The following CDH13 variants were observed in gnomAD, a reference collection of about 807,000 sequenced individuals.
CDH13 encodes cadherin 13.
CDH13 carries 24 observed loss-of-function variants against 63.8 expected under a neutral mutation model. The observed-to-expected ratio is 0.38, with a 90% confidence interval of 0.27 to 0.53. The LOEUF is 0.53. Among genes scored for constraint, CDH13 ranks in the 20% least tolerant of loss-of-function variants. CDH13 has a pLI of 0.85. For missense variants in CDH13, 1,049 were observed against 903.1 expected (o/e 1.16, Z -2.07); for synonymous variants, 503 against 355.3 (o/e 1.42, Z -4.67).
chr16:83,223,082 C>T (rs1431523320), intron 5 of CDH13, among the ~76,000 whole-genome samples: 1 of 94,984 alleles, frequency 1.1e-5, no homozygotes, highest in African/African-American at 3.4e-5. Flanking sequence ...TTGAGAACCA[C>T]TGTTAGAGAG....
intron 1 of CDH13, among the ~76,000 whole-genome samples, chr16:82,730,844 G>A (rs2033362897): frequency 6.6e-6 from 1 of 152,076 alleles, no homozygotes; most frequent in African/African-American, 2.4e-5. Flanking sequence ...ACATTTTCAT[G>A]AATTTTTCAA....
At chr16:82,640,740 T>C (rs535526455) in intron 1 of CDH13, among the ~76,000 whole-genome samples, 1 of 152,284 alleles carries the variant, frequency 6.6e-6, no homozygotes, top group East Asian at 1.9e-4. Context: ...GGTACTTCTT[T>C]AGGGTCACAT....
intron 7 of CDH13, among the ~76,000 whole-genome samples, chr16:83,595,760 A>C (rs1907193345): frequency 6.6e-6 from 1 of 152,232 alleles, no homozygotes; most frequent in African/African-American, 2.4e-5. Context: ...CCTGAGCTGT[A>C]CAGTCTAGCC....
intron 7 of CDH13, among the ~76,000 whole-genome samples, chr16:83,508,794 A>C (rs114424746): frequency 1.6e-3 from 251 of 152,310 alleles, no homozygotes; most frequent in African/African-American, 6.0e-3. Flanking sequence ...TTTGCACTCA[A>C]ATAGGCAGAG....
chr16:82,912,965 G>A (rs2041879047), intron 2 of CDH13, among the ~76,000 whole-genome samples: 1 of 151,514 alleles, frequency 6.6e-6, no homozygotes, highest in Admixed American at 6.6e-5. Flanking sequence ...AAAGAGTGGT[G>A]CTTCAAAATT....
intron 5 of CDH13, among the ~76,000 whole-genome samples, chr16:83,232,575 A>G (rs1201107022): frequency 6.7e-6 from 1 of 148,504 alleles, no homozygotes; most frequent in African/African-American, 2.5e-5. Flanking sequence ...AAAGTGTGGC[A>G]CCTCCCTTCC....
intron 1 of CDH13, among the ~76,000 whole-genome samples, chr16:82,763,408 G>T (rs376912087): frequency 3.3e-5 from 5 of 151,996 alleles, no homozygotes; most frequent in African/African-American, 9.7e-5. Flanking sequence ...TGCTTGTCTT[G>T]GTCTCTGTTT....
chr16:83,517,621 C>T (rs567260602), intron 7 of CDH13, among the ~76,000 whole-genome samples: 173 of 152,242 alleles, frequency 1.1e-3, no homozygotes, highest in African/African-American at 4.0e-3. Flanking sequence ...TGAGGGAACA[C>T]GTGGGCAATC....
chr16:82,848,868 G>A (rs2039371050), intron 1 of CDH13, among the ~76,000 whole-genome samples: 1 of 152,200 alleles, frequency 6.6e-6, no homozygotes, highest in Admixed American at 6.5e-5. Context: ...CATGTCAAAA[G>A]CTGAGGTAGG....
At chr16:82,966,279 G>C (rs1026997357) in intron 2 of CDH13, among the ~76,000 whole-genome samples, 29 of 152,134 alleles carry the variant, frequency 1.9e-4, no homozygotes, top group African/African-American at 7.0e-4. Context: ...CTCCCGAGTA[G>C]CTGGGACTAC....
intron 7 of CDH13, among the ~76,000 whole-genome samples, chr16:83,591,654 C>G (rs1164728631): frequency 6.6e-6 from 1 of 152,196 alleles, no homozygotes; most frequent in Non-Finnish European, 1.5e-5. Context: ...ACCCATCCTT[C>G]AAAGCTCAGC....
intron 6 of CDH13, among the ~76,000 whole-genome samples, chr16:83,392,122 C>T (rs969220377): frequency 2.4e-4 from 36 of 152,284 alleles, no homozygotes; most frequent in Middle Eastern, 3.4e-3. Context: ...CCCCTATACA[C>T]ACTGATCTTC....
intron 2 of CDH13, among the ~76,000 whole-genome samples, chr16:82,988,298 G>A (rs1911208293): frequency 6.6e-6 from 1 of 152,192 alleles, no homozygotes; most frequent in Non-Finnish European, 1.5e-5. Flanking sequence ...GGCATCCAAG[G>A]TGAGGAGACT....
intron 7 of CDH13, among the ~76,000 whole-genome samples, chr16:83,587,300 G>A (rs1007081060): frequency 6.6e-6 from 1 of 152,168 alleles, no homozygotes; most frequent in African/African-American, 2.4e-5. Context: ...TCTGAAATTA[G>A]TGGGCAGGGA....
chr16:82,715,361 G>C (rs1395710803), intron 1 of CDH13, among the ~76,000 whole-genome samples: 1 of 152,128 alleles, frequency 6.6e-6, no homozygotes, highest in African/African-American at 2.4e-5. Context: ...GCGTCTGTTT[G>C]TTGAGAGGCA....
At chr16:82,670,905 T>C (rs1714055326) in intron 1 of CDH13, among the ~76,000 whole-genome samples, 1 of 152,224 alleles carries the variant, frequency 6.6e-6, no homozygotes, top group Non-Finnish European at 1.5e-5. Flanking sequence ...TTCCTCCTCC[T>C]GGAGGTGCAG....
intron 6 of CDH13, among the ~76,000 whole-genome samples, chr16:83,365,520 T>C (rs547920525): frequency 7.9e-5 from 12 of 152,334 alleles, no homozygotes; most frequent in African/African-American, 2.4e-4. Context: ...GGCCAAATGT[T>C]GGCCCCATGA....
At chr16:83,476,987 G>A (rs534540373) in intron 6 of CDH13, among the ~76,000 whole-genome samples, 3 of 152,216 alleles carry the variant, frequency 2.0e-5, no homozygotes, top group East Asian at 1.9e-4. Context: ...TCTTACTGTC[G>A]AAGTCTGGAT....
intron 4 of CDH13, among the ~76,000 whole-genome samples, chr16:83,180,324 C>T (rs978928388): frequency 1.3e-5 from 2 of 151,312 alleles, no homozygotes; most frequent in Non-Finnish European, 3.0e-5. Context: ...TAAGATCAGA[C>T]GATGGATGTA....
Sources: gnomAD v4.1 joint callset for allele counts (sites outside exome capture counted in the v4.1 genomes callset) on GRCh38, gnomAD v4.1.1 for gene constraint, MANE v1.5 for transcripts, NCBI Gene and HGNC (gene_info 2026-07-23, HGNC 2026-07-21) for gene names.